Variants in DLEU7 observed in about 807,000 individuals in gnomAD.
DLEU7 encodes deleted in lymphocytic leukemia 7.
In DLEU7, 17 loss-of-function variants were observed where a neutral mutation model predicts 16.0. The ratio of observed to expected loss-of-function variants is 1.06; its 90% CI spans 0.73 to 1.59. The LOEUF (loss-of-function observed/expected upper bound fraction) is 1.59, where lower values mean the gene tolerates loss of function less well. DLEU7 is among the 40% of genes most tolerant of loss of function. The pLI is 0.00. For synonymous variants in DLEU7, 113 were observed against 139.8 expected (o/e 0.81, Z 1.35); for missense variants, 308 against 314.9 (o/e 0.98, Z 0.17).
chr13:50,828,455 A>G (rs1440881035), intron 1 of DLEU7, among the ~76,000 whole-genome samples: 1 of 152,230 alleles, frequency 6.6e-6, no homozygotes, highest in Non-Finnish European at 1.5e-5. Flanking sequence ...CAAATACTTT[A>G]TACTGAACTA....
intron 1 of DLEU7, among the ~76,000 whole-genome samples, chr13:50,786,739 CTT>C (rs1175181977): frequency 6.6e-6 from 1 of 152,076 alleles, no homozygotes; most frequent in East Asian, 1.9e-4. Context: ...TTTTTTAACT[CTT>C]TGTGTGAGTT....
At chr13:50,766,768 C>T (rs1410587183) in intron 1 of DLEU7, among the ~76,000 whole-genome samples, 1 of 152,184 alleles carries the variant, frequency 6.6e-6, no homozygotes, top group Non-Finnish European at 1.5e-5. Flanking sequence ...AAGTTTGGAG[C>T]ATGGCCTAAG....
intron 1 of DLEU7, among the ~76,000 whole-genome samples, chr13:50,785,238 C>G (rs1190622808): frequency 6.6e-6 from 1 of 152,112 alleles, no homozygotes; most frequent in East Asian, 1.9e-4. Flanking sequence ...TGGATGCACC[C>G]GGAATCAGGA....
chr13:50,838,958 T>C (rs534699251), intron 1 of DLEU7, among the ~76,000 whole-genome samples: 16 of 152,332 alleles, frequency 1.1e-4, no homozygotes, highest in Admixed American at 2.0e-4. Flanking sequence ...GTTGGCACCA[T>C]GATTTTGGAC....
rs558425863 is a variant in DLEU7 at position 50,832,704 on chromosome 13, G to T, written c.460-9184C>A. Among the ~76,000 whole-genome samples, 8 of 152,236 alleles carry T rather than the reference G, an allele frequency of 5.3e-5. No homozygotes were observed. The South Asian group carries it at 1.7e-3, about 32-fold the overall frequency. On this transcript the variant is annotated intron_variant, in intron 1 of 1. Transcript: ENST00000504404. ...TATCTTTGTTCTCATTGGTTTCAAA[G>T]AACTTATTTATTTCTGCCTTAATTT...
intron 1 of DLEU7, among the ~76,000 whole-genome samples, chr13:50,798,342 T>A (rs1249473622): frequency 6.6e-6 from 1 of 152,190 alleles, no homozygotes; most frequent in African/African-American, 2.4e-5. Context: ...GTGCAAAAAA[T>A]TAAACTTTTA....
chr13:50,741,668 C>G (rs1874253553), intron 1 of DLEU7, among the ~76,000 whole-genome samples: 1 of 152,234 alleles, frequency 6.6e-6, no homozygotes, highest in East Asian at 1.9e-4. Context: ...CTGTTCCTAC[C>G]TTAGCTTTTT....
intron 1 of DLEU7, among the ~76,000 whole-genome samples, chr13:50,764,002 C>A (rs185061747): frequency 1.1e-4 from 16 of 152,282 alleles, no homozygotes; most frequent in Admixed American, 6.5e-4. Flanking sequence ...AAGAGACAGG[C>A]GGAAAGGCTG....
intron 1 of DLEU7, chr13:50,713,263 T>C: frequency 6.2e-7 from 1 of 1,605,744 alleles, no homozygotes; most frequent in Non-Finnish European, 8.5e-7. Flanking sequence ...TAGCATAATA[T>C]CTCAAATGCT....
At chr13:50,800,180 G>A (rs1346960051) in intron 1 of DLEU7, among the ~76,000 whole-genome samples, 1 of 152,152 alleles carries the variant, frequency 6.6e-6, no homozygotes, top group African/African-American at 2.4e-5. Context: ...GTGTAAGAAA[G>A]GGCAAAAGAG....
At chr13:50,774,139 C>T (rs539280622) in intron 1 of DLEU7, among the ~76,000 whole-genome samples, 7 of 152,220 alleles carry the variant, frequency 4.6e-5, no homozygotes, top group East Asian at 1.9e-4. Flanking sequence ...AGTATTGGGG[C>T]TGGAGTGACC....
intron 1 of DLEU7, among the ~76,000 whole-genome samples, chr13:50,714,626 G>A (rs1362232892): frequency 1.3e-5 from 2 of 152,146 alleles, no homozygotes; most frequent in African/African-American, 4.8e-5. Context: ...AGCTACGCAA[G>A]GGGAGACTTG....
At chr13:50,828,586 G>A (rs1428066274) in intron 1 of DLEU7, among the ~76,000 whole-genome samples, 1 of 152,104 alleles carries the variant, frequency 6.6e-6, no homozygotes, top group Non-Finnish European at 1.5e-5. Context: ...TGTAGGAAAA[G>A]AGAAACAGAT....
chr13:50,751,877 G>A (rs1237075080), intron 1 of DLEU7, among the ~76,000 whole-genome samples: 1 of 151,072 alleles, frequency 6.6e-6, no homozygotes, highest in East Asian at 1.9e-4. Flanking sequence ...TCTTTTCAAA[G>A]AACCAGCTTT....
intron 1 of DLEU7, among the ~76,000 whole-genome samples, chr13:50,796,813 G>A (rs1876119727): frequency 6.6e-6 from 1 of 152,076 alleles, no homozygotes; most frequent in East Asian, 1.9e-4. Flanking sequence ...TAAGAGCAGA[G>A]GCATCAGATA....
chr13:50,737,441 A>C (rs1874105333), intron 1 of DLEU7, among the ~76,000 whole-genome samples: 1 of 152,134 alleles, frequency 6.6e-6, no homozygotes, highest in Non-Finnish European at 1.5e-5. Context: ...ACCTTGCATC[A>C]GCAAGTCTAT....
intron 1 of DLEU7, among the ~76,000 whole-genome samples, chr13:50,775,053 T>C (rs947936334): frequency 6.6e-6 from 1 of 152,140 alleles, no homozygotes; most frequent in Non-Finnish European, 1.5e-5. Flanking sequence ...TTTTTGTCAA[T>C]GTTAACGTCT....
chr13:50,823,116 A>G lies in DLEU7; in HGVS notation c.*198T>C. On this transcript the variant is annotated 3_prime_UTR_variant, in exon 2 of 2. Coordinates refer to ENST00000504404, the MANE Select transcript of DLEU7 (RefSeq NM_001306135.2). Reference sequence around the variant, plus strand: ...GTCAATATACTTAAAAATATGAACTACTGCTTTAAAAAAATTTCATTAACA... The same window carrying G: ...GTCAATATACTTAAAAATATGAACTGCTGCTTTAAAAAAATTTCATTAACA... 1 of 1,382,054 alleles carries G rather than the reference A, an allele frequency of 7.2e-7. No homozygotes were observed. 85.6% of individuals were successfully genotyped at this position (1,382,054 alleles called of 1,614,324 possible). A position where few individuals can be genotyped will look rare whatever the true frequency, so the allele number is the denominator to read the frequency against.
intron 1 of DLEU7, among the ~76,000 whole-genome samples, chr13:50,763,619 A>C (rs955380133): frequency 6.6e-6 from 1 of 152,204 alleles, no homozygotes; most frequent in African/African-American, 2.4e-5. Context: ...AATTCACAGA[A>C]AATAGAATTC....
Sources: allele counts gnomAD v4.1 joint callset (sites outside exome capture counted in the v4.1 genomes callset), GRCh38; gene constraint gnomAD v4.1.1; transcripts MANE v1.5; gene names NCBI Gene and HGNC (gene_info 2026-07-23, HGNC 2026-07-21).